Variants in SPATA6 observed in about 807,000 individuals in gnomAD.
SPATA6 encodes spermatogenesis-associated protein 6.
SPATA6 carries 56 observed loss-of-function variants against 65.3 expected under a neutral mutation model. The observed-to-expected ratio is 0.86, with a 90% CI of 0.69 to 1.07. The LOEUF (loss-of-function observed/expected upper bound fraction) is 1.07, where lower values mean the gene tolerates loss of function less well. Among genes scored for constraint, SPATA6 ranks in the 50% least tolerant of loss-of-function variants. The probability of loss-of-function intolerance (pLI) is 0.00; values close to 1 mark genes in which losing one functional copy is unlikely to be tolerated. For missense variants in SPATA6, 590 were observed against 594.8 expected, an observed-to-expected ratio of 0.99 and a Z score of 0.08; for synonymous variants, 199 against 213.2, an observed-to-expected ratio of 0.93 and a Z score of 0.58.
At chr1:48,375,693 C>CA (rs1647809620) in intron 9 of SPATA6, among the ~76,000 whole-genome samples, 3 of 152,138 alleles carry the variant, frequency 2.0e-5, no homozygotes, top group Admixed American at 2.0e-4. Flanking sequence ...ATTTGACCAA[C>CA]ACCGCCAGAC....
At chr1:48,462,481 T>C (rs1657520515) in intron 1 of SPATA6, among the ~76,000 whole-genome samples, 1 of 152,182 alleles carries the variant, frequency 6.6e-6, no homozygotes, top group African/African-American at 2.4e-5. Flanking sequence ...TACATCACAG[T>C]GTACTGAAAT....
rs760837985 is a variant in SPATA6, at chr1:48,399,412, A to T, written c.719T>A (p.Leu240Ter). 6.2e-7 allele frequency: 1 copy of T among 1,613,232 alleles called. No individual in the cohort carries two copies. The highest frequency in any genetic ancestry group is 8.5e-7 in the Non-Finnish European group (1 of 1,179,482). The change falls in exon 7 of 13, where the codon TTA (leucine) becomes TAA (stop). Residue 240 changes from leucine to a stop codon, truncating the protein, a stop_gained. Coordinates refer to ENST00000371847, the MANE Select transcript of SPATA6 (RefSeq NM_019073.4). LOFTEE classifies it high-confidence loss of function. ...TTTGAACTCATAGGGTCCCAGATTT[A>T]AATGGGCCAGCCGCCGCCTGGTGTC... The part of the protein sequence containing the change: ...SEDTRRRLAH[L>*]NLGPYEFKKE...
rs1378092488 is a variant in SPATA6, at chr1:48,365,080, C to G, written c.910-5310G>C. On this transcript the variant is annotated intron_variant, in intron 9 of 12. Transcript: ENST00000371847. ...AATCCTTTCCCCATTGCTTGTTTTT[C>G]TCAGGTTTGTCAAAGATCAGATAGT... is the stretch of plus-strand genomic sequence containing the variant. Among the ~76,000 whole-genome samples, 13 of 152,054 alleles carry G rather than the reference C, an allele frequency of 8.5e-5. No homozygotes were observed. In the South Asian group the frequency reaches 1.0e-3, roughly 12 times the overall value.
the SPATA6 span, among the ~76,000 whole-genome samples, chr1:48,289,066 C>T: frequency 1.3e-5 from 2 of 152,222 alleles, no homozygotes; most frequent in Admixed American, 6.5e-5. Flanking sequence ...GTTCCTGACC[C>T]CGAGTAGCCT....
chr1:48,411,741 A>T (rs1000475497), intron 4 of SPATA6, 153 bp from the exon 5 acceptor site: 4 of 647,872 alleles, frequency 6.2e-6, no homozygotes, highest in African/African-American at 1.9e-5. Context: ...TAAAATAAAG[A>T]TATGTTAAAA....
At chr1:48,282,355 G>A in the SPATA6 span, among the ~76,000 whole-genome samples, 1 of 152,114 alleles carries the variant, frequency 6.6e-6, no homozygotes. Flanking sequence ...AAACTAAAGA[G>A]CTTCTGCACA....
chr1:48,266,240 A>T, the SPATA6 span, among the ~76,000 whole-genome samples: 2 of 152,230 alleles, frequency 1.3e-5, no homozygotes, highest in Admixed American at 1.3e-4. Context: ...AATCACTGAA[A>T]ATCAAATACC....
chr1:48,399,327 A>C (rs780935268), intron 7 of SPATA6, 24 bp downstream of exon 7: 1 of 1,587,740 alleles, frequency 6.3e-7, no homozygotes, highest in South Asian at 1.2e-5. Context: ...AGTTTCAAAT[A>C]GAAATGCTTA....
intron 9 of SPATA6, among the ~76,000 whole-genome samples, chr1:48,381,060 C>A (rs1648514558): frequency 6.6e-6 from 1 of 152,166 alleles, no homozygotes; most frequent in Admixed American, 6.5e-5. Context: ...ATGCACAGCA[C>A]AGTAGGGTTC....
intron 9 of SPATA6, among the ~76,000 whole-genome samples, chr1:48,376,062 C>T (rs981320231): frequency 1.3e-5 from 2 of 152,122 alleles, no homozygotes; most frequent in East Asian, 3.8e-4. Context: ...TTTCAGATGC[C>T]TTCACATTCT....
intron 9 of SPATA6, among the ~76,000 whole-genome samples, chr1:48,370,583 A>AT (rs1647207438): frequency 1.3e-5 from 2 of 152,244 alleles, no homozygotes; most frequent in Admixed American, 6.5e-5. Context: ...ATAATACAAT[A>AT]AGAAAATAAT....
intron 9 of SPATA6, among the ~76,000 whole-genome samples, chr1:48,364,400 T>A (rs2148830717): frequency 6.6e-6 from 1 of 152,360 alleles, no homozygotes; most frequent in East Asian, 1.9e-4. Context: ...ATGGTTGAAC[T>A]AGTTTACAGT....
At chr1:48,269,087 T>A in the SPATA6 span, among the ~76,000 whole-genome samples, 9 of 152,164 alleles carry the variant, frequency 5.9e-5, no homozygotes, top group Admixed American at 1.3e-4. Flanking sequence ...ATAAATTAAA[T>A]AACTAGTAAA....
chr1:48,421,637 A>G (rs1231624388), intron 3 of SPATA6, among the ~76,000 whole-genome samples: 1 of 152,138 alleles, frequency 6.6e-6, no homozygotes, highest in Non-Finnish European at 1.5e-5. Context: ...TATTTTTGTC[A>G]CTTTACTATA....
intron 9 of SPATA6, among the ~76,000 whole-genome samples, chr1:48,377,319 C>T (rs187196936): frequency 6.6e-5 from 10 of 152,306 alleles, no homozygotes; most frequent in Middle Eastern, 6.8e-3. Flanking sequence ...TCCCTACCTG[C>T]TTCTACAGGC....
At chr1:48,311,910 C>T (rs1645222805) in intron 11 of SPATA6, among the ~76,000 whole-genome samples, 1 of 152,208 alleles carries the variant, frequency 6.6e-6, no homozygotes, top group Non-Finnish European at 1.5e-5. Context: ...AACGGCACAC[C>T]AGGAGATTGT....
intron 9 of SPATA6, among the ~76,000 whole-genome samples, chr1:48,366,837 G>C (rs1362621199): frequency 1.3e-5 from 2 of 152,044 alleles, no homozygotes; most frequent in Non-Finnish European, 1.5e-5. Flanking sequence ...CCTTCTGCTA[G>C]CTTTTGAATG....
chr1:48,414,133 G>A (rs1652536356), intron 3 of SPATA6, among the ~76,000 whole-genome samples: 1 of 152,168 alleles, frequency 6.6e-6, no homozygotes, highest in Admixed American at 6.5e-5. Flanking sequence ...CTGATGAATT[G>A]CTGGAAGCTC....
At chr1:48,343,199 C>A (rs991606244) in intron 11 of SPATA6, among the ~76,000 whole-genome samples, 1 of 151,928 alleles carries the variant, frequency 6.6e-6, no homozygotes, top group Non-Finnish European at 1.5e-5. Flanking sequence ...CCTACTAGGG[C>A]CACATAAAAA....
Sources: allele counts gnomAD v4.1 joint callset (sites outside exome capture counted in the v4.1 genomes callset), GRCh38; gene constraint gnomAD v4.1.1; transcripts MANE v1.5; gene names NCBI Gene and HGNC (gene_info 2026-07-23, HGNC 2026-07-21).